The following HDAC9 variants were observed in gnomAD, a reference collection of about 807,000 sequenced individuals.
HDAC9 encodes the protein MEF-2 interacting transcription repressor (MITR) protein.
Under a neutral mutation model 139.4 loss-of-function variants are expected in HDAC9, and 41 were observed. That is an observed-to-expected ratio of 0.29 (90% CI 0.23 to 0.38). The LOEUF (loss-of-function observed/expected upper bound fraction) is 0.38. Ranked by LOEUF, HDAC9 falls within the 10% of genes least tolerant of loss-of-function variation. HDAC9 has a pLI of 1.00. For synonymous variants in HDAC9, 517 were observed against 476.2 expected (o/e 1.09, Z -1.12); for missense variants, 1,147 against 1,297.0 (o/e 0.88, Z 1.78).
intron 22 of HDAC9, among the ~76,000 whole-genome samples, chr7:18,884,329 G>A (rs1799959563): frequency 6.6e-6 from 1 of 152,208 alleles, no homozygotes; most frequent in Admixed American, 6.5e-5. Flanking sequence ...ATAAAAGCAT[G>A]ACAGTGGCAT....
chr7:18,648,149 A>G (rs1351871476), intron 10 of HDAC9, among the ~76,000 whole-genome samples, 151 bp downstream of exon 10: 1 of 152,152 alleles, frequency 6.6e-6, no homozygotes, highest in Non-Finnish European at 1.5e-5. Flanking sequence ...AAAGGCTATC[A>G]TCTTTATTTA....
At chr7:18,965,191 T>C (rs191458112) in intron 24 of HDAC9, among the ~76,000 whole-genome samples, 208 of 152,330 alleles carry the variant, frequency 1.4e-3, no homozygotes, top group Admixed American at 2.9e-3. Context: ...CTAAGAAAAC[T>C]GGAATATCCA....
rs1806081635 is a variant in HDAC9 at position 18,524,328 on chromosome 7, C to T, written c.22+28004C>T. On this transcript the variant is annotated intron_variant, in intron 2 of 25. Transcript: ENST00000686413. ...ACAAGAATTGCAGGGATTTTAAACT[C>T]ATAATTACTCCTCAGCTGTAAATTT... is the stretch of plus-strand genomic sequence containing the variant. Among the ~76,000 whole-genome samples the T allele has an allele frequency of 2.0e-5, 3 of 152,132 alleles. No homozygotes were observed. The South Asian group carries it at 6.2e-4, about 32-fold the overall frequency.
intron 22 of HDAC9, among the ~76,000 whole-genome samples, chr7:18,918,652 G>T (rs944880918): frequency 6.6e-6 from 1 of 151,840 alleles, no homozygotes; most frequent in Non-Finnish European, 1.5e-5. Context: ...ATACTCTTGG[G>T]TAATGCATTC....
chr7:18,854,956 T>C (rs960257873), intron 21 of HDAC9, among the ~76,000 whole-genome samples: 1 of 152,126 alleles, frequency 6.6e-6, no homozygotes, highest in Non-Finnish European at 1.5e-5. Flanking sequence ...TGGGTTGTTA[T>C]TGTTAAATGT....
At chr7:18,418,295 A>G (rs2128750197) in intron 1 of HDAC9, among the ~76,000 whole-genome samples, 1 of 152,300 alleles carries the variant, frequency 6.6e-6, no homozygotes, top group South Asian at 2.1e-4. Flanking sequence ...CAAAGTGTCC[A>G]CTTCAGAGAG....
chr7:18,642,379 C>G (rs958912511), intron 8 of HDAC9, among the ~76,000 whole-genome samples: 11 of 152,078 alleles, frequency 7.2e-5, no homozygotes, highest in Non-Finnish European at 1.5e-4. Flanking sequence ...CTGTGGTTCC[C>G]CTGTCTTCCA....
intron 2 of HDAC9, among the ~76,000 whole-genome samples, chr7:18,568,632 T>C (rs1161311165): frequency 6.6e-6 from 1 of 152,220 alleles, no homozygotes; most frequent in East Asian, 1.9e-4. Flanking sequence ...ATGTTCTATT[T>C]CCTAATTATG....
intron 2 of HDAC9, among the ~76,000 whole-genome samples, chr7:18,514,824 G>C (rs1802658812): frequency 6.6e-6 from 1 of 152,048 alleles, no homozygotes; most frequent in Non-Finnish European, 1.5e-5. Context: ...GTGTGTGCCT[G>C]TAGTCCTAGC....
At chr7:18,695,298 C>T (rs1178098) in intron 12 of HDAC9, among the ~76,000 whole-genome samples, 51,487 of 151,914 alleles carry the variant, frequency 0.34, 9,008 homozygotes, top group East Asian at 0.46. Flanking sequence ...GGAGGGAACA[C>T]GAGATAATGC....
At chr7:18,615,252 A>G (rs1246983701) in intron 6 of HDAC9, among the ~76,000 whole-genome samples, 1 of 152,186 alleles carries the variant, frequency 6.6e-6, no homozygotes, top group Non-Finnish European at 1.5e-5. Context: ...AAAGGTTTAA[A>G]CTGTTCCCCC....
At chr7:18,878,025 T>C (rs1380699185) in intron 22 of HDAC9, among the ~76,000 whole-genome samples, 1 of 152,174 alleles carries the variant, frequency 6.6e-6, no homozygotes, top group Non-Finnish European at 1.5e-5. Context: ...CATCAAACTG[T>C]ACCTTGAAGT....
intron 22 of HDAC9, among the ~76,000 whole-genome samples, chr7:18,918,894 G>A (rs1803444230): frequency 6.6e-6 from 1 of 151,882 alleles, no homozygotes; most frequent in Non-Finnish European, 1.5e-5. Flanking sequence ...TGAGAATCAC[G>A]GCCTCTCATA....
Position 18,398,922 on chromosome 7 carries a change from G to A in HDAC9, c.-41-97340G>A, listed in dbSNP as rs139407034. 4.4e-3 allele frequency among the ~76,000 whole-genome samples: 667 copies of A among 151,958 alleles called. 5 individuals carry two copies. The highest frequency in any genetic ancestry group is 0.015 in the African/African-American group (641 of 41,448). ...TACGAAATCCCTTTCTCCCAGAGGT[G>A]GTGTCACAGGAGAAAGGTGTATAAT... On this transcript the variant is annotated intron_variant, in intron 1 of 3. Transcript: ENST00000413509.
intron 1 of HDAC9, among the ~76,000 whole-genome samples, chr7:18,143,792 C>CAAAAAAAAAAAA (rs71014311): frequency 8.2e-6 from 1 of 122,578 alleles, no homozygotes; most frequent in African/African-American, 3.2e-5. Flanking sequence ...GACTCCATCT[C>CAAAAAAAAAAAA]AAAAAAAAAA....
intron 25 of HDAC9, among the ~76,000 whole-genome samples, chr7:18,985,186 T>G (rs1322349843): frequency 2.0e-5 from 3 of 152,174 alleles, no homozygotes; most frequent in African/African-American, 7.2e-5. Flanking sequence ...ATTCGTCATC[T>G]AGCATTAGGT....
chr7:18,128,636 A>G (rs991693461), intron 1 of HDAC9, among the ~76,000 whole-genome samples: 1 of 152,102 alleles, frequency 6.6e-6, no homozygotes, highest in African/African-American at 2.4e-5. Flanking sequence ...CTGTTCCCCA[A>G]GGTCTCTGCA....
chr7:18,253,223 T>A (rs1486848318), intron 2 of HDAC9, among the ~76,000 whole-genome samples: 3 of 152,240 alleles, frequency 2.0e-5, no homozygotes, highest in African/African-American at 7.2e-5. Flanking sequence ...TATGCATGCA[T>A]GTGTCTTTAT....
At chr7:18,510,733 G>A (rs968764343) in intron 2 of HDAC9, among the ~76,000 whole-genome samples, 38 of 152,110 alleles carry the variant, frequency 2.5e-4, no homozygotes, top group Non-Finnish European at 4.7e-4. Context: ...TAAAATGTCA[G>A]AATAAGGAGT....
Sources: gnomAD v4.1 joint callset for allele counts (sites outside exome capture counted in the v4.1 genomes callset) on GRCh38, gnomAD v4.1.1 for gene constraint, MANE v1.5 for transcripts, NCBI Gene and HGNC (gene_info 2026-07-23, HGNC 2026-07-21) for gene names.